GGTA1: variants seen among roughly 807,000 people sequenced by gnomAD.
The protein encoded by GGTA1 is inactive N-acetyllactosaminide alpha-1,3-galactosyltransferase.
Under a neutral mutation model 2.6 loss-of-function variants are expected in GGTA1, and 5 were observed. That is an observed-to-expected ratio of 1.92 (90% CI 1.00 to 4.04). The LOEUF (loss-of-function observed/expected upper bound fraction) is 4.04. Among genes scored for constraint, GGTA1 ranks in the 30% most tolerant of loss-of-function variants. The pLI is 0.00. For synonymous variants in GGTA1, 17 were observed against 5.0 expected (o/e 3.38, Z -3.19); for missense variants, 50 against 16.7 (o/e 2.99, Z -3.47).
intron 1 of GGTA1, among the ~76,000 whole-genome samples, chr9:121,474,434 TTGTACAGCC>T (rs1828462706): frequency 6.6e-6 from 1 of 152,200 alleles, no homozygotes; most frequent in Non-Finnish European, 1.5e-5. Context: ...CAGGGTCACA[TTGTACAGCC>T]TGTCATTTCT....
chr9:121,463,213 C>T (rs1174909719), intron 3 of GGTA1, 80 bp downstream of exon 3: 4 of 440,982 alleles, frequency 9.1e-6, no homozygotes, highest in Admixed American at 5.4e-5. Flanking sequence ...GGCTGGCTGC[C>T]GTGTGAAGAA....
chr9:121,485,868 G>A (rs1828745456), intron 1 of GGTA1, among the ~76,000 whole-genome samples: 1 of 152,156 alleles, frequency 6.6e-6, no homozygotes, highest in Non-Finnish European at 1.5e-5. Context: ...TGGGGAAGTG[G>A]ACTGAGGAAC....
chr9:121,489,210 AT>A (rs1206140042), intron 1 of GGTA1, among the ~76,000 whole-genome samples: 7 of 152,008 alleles, frequency 4.6e-5, no homozygotes, highest in African/African-American at 1.7e-4. Context: ...TTTTATATAT[AT>A]TTTTTTGAGA....
At chr9:121,455,934 A>G in intron 5 of GGTA1, 93 bp from the exon 6 acceptor site, 1 of 431,128 alleles carries the variant, frequency 2.3e-6, no homozygotes, top group Non-Finnish European at 4.7e-6. Context: ...TTCCACTGAC[A>G]ATTCCAACAG....
At chr9:121,467,144 G>C (rs193051706) in intron 2 of GGTA1, among the ~76,000 whole-genome samples, 3 of 152,194 alleles carry the variant, frequency 2.0e-5, no homozygotes, top group African/African-American at 2.4e-5. Flanking sequence ...TGAGTCAAAG[G>C]CATCAGGCAT....
intron 1 of GGTA1, among the ~76,000 whole-genome samples, chr9:121,497,151 T>C (rs1564659590): frequency 1.3e-5 from 2 of 151,616 alleles, no homozygotes; most frequent in Admixed American, 1.3e-4. Context: ...CAAGATAGCA[T>C]CACTGCACTC....
At chr9:121,477,742 A>AT (rs1212459165) in intron 1 of GGTA1, among the ~76,000 whole-genome samples, 29 of 150,264 alleles carry the variant, frequency 1.9e-4, no homozygotes, top group Non-Finnish European at 3.1e-4. Flanking sequence ...CGCCCAGCTA[A>AT]TTTTTTTTTT....
At chr9:121,491,122 C>T (rs1438359007) in intron 1 of GGTA1, among the ~76,000 whole-genome samples, 1 of 148,168 alleles carries the variant, frequency 6.7e-6, no homozygotes, top group Non-Finnish European at 1.5e-5. Flanking sequence ...TAGGCAACCA[C>T]AAGCAAACCC....
downstream of GGTA1, among the ~76,000 whole-genome samples, chr9:121,450,562 T>C (rs889188026): frequency 1.3e-5 from 2 of 152,136 alleles, no homozygotes; most frequent in Admixed American, 1.3e-4. Context: ...CAATTTACAG[T>C]TTAGTTGTGC....
At chr9:121,492,445 C>T (rs1045068046) in intron 1 of GGTA1, among the ~76,000 whole-genome samples, 4 of 151,986 alleles carry the variant, frequency 2.6e-5, no homozygotes, top group South Asian at 2.1e-4. Context: ...TAAGGGGAGC[C>T]GAGTTCAGGT....
At chr9:121,457,178 A>G (rs1219579480) in intron 5 of GGTA1, among the ~76,000 whole-genome samples, 4 of 152,232 alleles carry the variant, frequency 2.6e-5, no homozygotes, top group African/African-American at 7.2e-5. Context: ...AAGGTCTCCC[A>G]GACTGTGTGT....
At chr9:121,463,850 A>G (rs982159724) in intron 2 of GGTA1, among the ~76,000 whole-genome samples, 5 of 152,066 alleles carry the variant, frequency 3.3e-5, no homozygotes, top group Admixed American at 1.3e-4. Context: ...TTCCCCCAGG[A>G]TTTATCTTCC....
chr9:121,480,046 TTTTTC>T (rs1244948883), intron 1 of GGTA1, among the ~76,000 whole-genome samples: 4 of 147,538 alleles, frequency 2.7e-5, no homozygotes, highest in Non-Finnish European at 4.5e-5. Flanking sequence ...TTTCTTTCTT[TTTTTC>T]TTTTCTTTTC....
intron 1 of GGTA1, among the ~76,000 whole-genome samples, chr9:121,478,232 G>C (rs1474488413): frequency 6.6e-6 from 1 of 152,190 alleles, no homozygotes; most frequent in Non-Finnish European, 1.5e-5. Flanking sequence ...TGTGGGGCCA[G>C]CTCTTCCTTG....
At chr9:121,451,877 T>C (rs1463726299), downstream of GGTA1, 2 of 152,252 alleles carry the variant, frequency 1.3e-5, no homozygotes, top group Non-Finnish European at 2.9e-5. Flanking sequence ...CTGTTGACCC[T>C]GGGCTTGGTG....
intron 3 of GGTA1, chr9:121,462,886 G>A (rs2064972273): frequency 6.5e-6 from 1 of 154,674 alleles, no homozygotes; most frequent in Non-Finnish European, 1.4e-5. Context: ...AATACAAAAA[G>A]AAAATTTTAA....
intron 1 of GGTA1, among the ~76,000 whole-genome samples, chr9:121,470,533 G>T (rs1386576278): frequency 1.3e-5 from 2 of 152,206 alleles, no homozygotes; most frequent in Admixed American, 6.5e-5. Flanking sequence ...TGGAAGAGTT[G>T]TTCACATATG....
downstream of GGTA1, among the ~76,000 whole-genome samples, chr9:121,452,514 T>A (rs781013178): frequency 2.0e-4 from 31 of 151,924 alleles, no homozygotes; most frequent in Admixed American, 6.6e-4. Flanking sequence ...CTTTTTTTTT[T>A]ATTTTTATTT....
At position 121,499,765 on chromosome 9, in the gene GGTA1, G is replaced by T. The variant is rs1332722220; in HGVS notation, c.-125C>A. ...ACGCGCTCTGATCAGCCACCGCGCC[G>T]CCTCCGCCCGAGCGGAGGCGCGTCC... On this transcript the variant is annotated 5_prime_UTR_variant, in exon 1 of 6. Transcript: ENST00000481799. 1 of 151,992 alleles carries T rather than the reference G, an allele frequency of 6.6e-6. No individual in the cohort carries two copies. Among genetic ancestry groups the T allele is most frequent in the Non-Finnish European group, 1.5e-5 (1 of 68,032 alleles). 9.4% of individuals were successfully genotyped at this position (151,992 alleles called of 1,614,324 possible).
Sources: allele counts gnomAD v4.1 joint callset (sites outside exome capture counted in the v4.1 genomes callset), GRCh38; gene constraint gnomAD v4.1.1; transcripts MANE v1.5; gene names NCBI Gene and HGNC (gene_info 2026-07-23, HGNC 2026-07-21).